The following HMGA2 variants were observed in gnomAD, a reference collection of about 807,000 sequenced individuals.
HMGA2 encodes the protein high mobility group protein HMGI-C.
In HMGA2, 8 loss-of-function variants were observed where a neutral mutation model predicts 19.1. The ratio of observed to expected loss-of-function variants is 0.42; its 90% CI spans 0.25 to 0.76. The LOEUF (loss-of-function observed/expected upper bound fraction) is 0.76, where lower values mean the gene tolerates loss of function less well. HMGA2 is among the 30% of genes least tolerant of loss of function. The pLI is 0.28. For synonymous variants in HMGA2, 60 were observed against 48.8 expected (o/e 1.23, Z -0.96); for missense variants, 109 against 136.3 (o/e 0.80, Z 1.00).
intron 3 of HMGA2, among the ~76,000 whole-genome samples, chr12:65,877,814 CA>C (rs11372211): frequency 8.2e-5 from 12 of 146,754 alleles, no homozygotes; most frequent in South Asian, 6.5e-4. Context: ...GTCTTTGCTT[CA>C]AAAAAAAAAT....
chr12:65,902,737 A>G (rs1592433662), intron 3 of HMGA2, among the ~76,000 whole-genome samples: 2 of 152,298 alleles, frequency 1.3e-5, no homozygotes, highest in East Asian at 3.9e-4. Context: ...GTAGAGAACT[A>G]TATTCTGATG....
chr12:65,955,146 C>T (rs1330363055), intron 4 of HMGA2: 1 of 152,126 alleles, frequency 6.6e-6, no homozygotes, highest in Non-Finnish European at 1.5e-5. Context: ...GATTGTGCCA[C>T]TGCACCCCAG....
chr12:65,845,273 G>A (rs1291469646), intron 3 of HMGA2, among the ~76,000 whole-genome samples: 4 of 151,788 alleles, frequency 2.6e-5, no homozygotes, highest in Admixed American at 6.6e-5. Context: ...GTTTTGTTTC[G>A]TTTTGTTTTG....
At chr12:65,827,568 T>C (rs1870270013) in intron 1 of HMGA2, among the ~76,000 whole-genome samples, 1 of 152,210 alleles carries the variant, frequency 6.6e-6, no homozygotes, top group East Asian at 1.9e-4. Context: ...TATGGAAGAT[T>C]GTTGAAATAT....
At position 65,827,939 on chromosome 12, in the gene HMGA2, T is replaced by A. The variant is rs1870289237; in HGVS notation, c.112-62T>A. ...ACATGCAGAAAATATAGCTAAAGAGTCAGGGTCAATTTCTTTCAGACATTC... is the reference window on the plus strand; with the variant it reads ...ACATGCAGAAAATATAGCTAAAGAGACAGGGTCAATTTCTTTCAGACATTC... On this transcript the variant is annotated intron_variant, in intron 1 of 4. Transcript: ENST00000403681. The A allele has an allele frequency of 1.8e-5, 21 of 1,157,492 alleles. 1 individual carries two copies. In the South Asian group the frequency reaches 2.6e-4, roughly 14 times the overall value. The allele number at this position is 1,157,492 out of a possible 1,614,324, so 71.7% of individuals were successfully genotyped here.
intron 4 of HMGA2, chr12:65,958,867 A>G (rs1876673522): frequency 6.6e-6 from 1 of 151,808 alleles, no homozygotes; most frequent in South Asian, 2.1e-4. Context: ...AAAAAAAAAA[A>G]GATAAGGACT....
chr12:65,923,462 T>C (rs1273537290), intron 3 of HMGA2, among the ~76,000 whole-genome samples: 1 of 152,226 alleles, frequency 6.6e-6, no homozygotes, highest in East Asian at 1.9e-4. Context: ...CTATTGTCAG[T>C]TCCTGGGCTT....
At chr12:65,849,724 G>T (rs1214012516) in intron 3 of HMGA2, among the ~76,000 whole-genome samples, 1 of 138,836 alleles carries the variant, frequency 7.2e-6, no homozygotes, top group Non-Finnish European at 1.5e-5. Context: ...CCAAGACAAT[G>T]GTAGGCTCTG....
chr12:65,919,192 A>C (rs1875214937), intron 3 of HMGA2, among the ~76,000 whole-genome samples: 1 of 152,238 alleles, frequency 6.6e-6, no homozygotes, highest in Non-Finnish European at 1.5e-5. Context: ...GACAGAAAGC[A>C]CTATAAAAAA....
At chr12:65,914,661 G>T in intron 3 of HMGA2, 1 of 280,584 alleles carries the variant, frequency 3.6e-6, no homozygotes. Context: ...AAATGTTTTG[G>T]TTGTTTGTTG....
intron 3 of HMGA2, among the ~76,000 whole-genome samples, chr12:65,846,691 C>G (rs1006753025): frequency 1.3e-5 from 2 of 152,166 alleles, no homozygotes; most frequent in African/African-American, 4.8e-5. Flanking sequence ...CATTTAAACC[C>G]TAGAGTTCCA....
chr12:65,865,708 C>G (rs547729158), intron 3 of HMGA2, among the ~76,000 whole-genome samples: 1 of 149,278 alleles, frequency 6.7e-6, no homozygotes, highest in Admixed American at 6.7e-5. Context: ...AATCTCGGCT[C>G]ACTGCAAACT....
At chr12:65,927,953 A>G (rs1366054432) in intron 3 of HMGA2, among the ~76,000 whole-genome samples, 1 of 42,356 alleles carries the variant, frequency 2.4e-5, no homozygotes, top group Non-Finnish European at 4.3e-5. Context: ...ATGTGAGTAT[A>G]TATATATATA....
At chr12:65,838,775 G>A (rs1188891240) in intron 3 of HMGA2, among the ~76,000 whole-genome samples, 1 of 151,968 alleles carries the variant, frequency 6.6e-6, no homozygotes, top group Non-Finnish European at 1.5e-5. Context: ...CTTTCCTGAA[G>A]GTGGACTCAT....
At chr12:65,883,918 A>T (rs10878342) in intron 3 of HMGA2, among the ~76,000 whole-genome samples, 41,045 of 152,132 alleles carry the variant, frequency 0.27, 8,413 homozygotes, top group African/African-American at 0.57. Flanking sequence ...AGGCTAGAGT[A>T]CGGTGGCCCA....
At chr12:65,835,827 C>A (rs1327687145) in intron 2 of HMGA2, among the ~76,000 whole-genome samples, 1 of 152,098 alleles carries the variant, frequency 6.6e-6, no homozygotes, top group African/African-American at 2.4e-5. Context: ...TCAATAGGCT[C>A]CTTCTCCCAC....
intron 3 of HMGA2, among the ~76,000 whole-genome samples, chr12:65,930,845 G>A (rs1470611300): frequency 6.6e-6 from 1 of 152,170 alleles, no homozygotes; most frequent in Non-Finnish European, 1.5e-5. Context: ...TACGATACCA[G>A]GAAAAGACAT....
intron 3 of HMGA2, among the ~76,000 whole-genome samples, chr12:65,892,026 G>A (rs893745748): frequency 1.3e-4 from 20 of 152,164 alleles, no homozygotes; most frequent in African/African-American, 2.7e-4. Context: ...ACAATAATGC[G>A]CTGCCTTGTC....
chr12:65,951,540 C>A lies in HMGA2; in HGVS notation c.282+125C>A, dbSNP rs564004483. 685 of 683,094 alleles carry A rather than the reference C, an allele frequency of 1.0e-3. 1 individual carries two copies. Among genetic ancestry groups the A allele is most frequent in the Middle Eastern group, 2.2e-3 (9 of 4,120 alleles). 42.3% of individuals were successfully genotyped at this position (683,094 alleles called of 1,614,324 possible). A position where few individuals can be genotyped will look rare whatever the true frequency, so the allele number is the denominator to read the frequency against. On this transcript the variant is annotated intron_variant, in intron 4 of 4. Coordinates refer to ENST00000403681, the MANE Select transcript of HMGA2 (RefSeq NM_003483.6). Reference sequence around the variant, plus strand: ...CTTTTGGTTATCGTCCTGCAGTATTCCTGAAAATGTGTTGTAGCCTTCAAA... The same window carrying A: ...CTTTTGGTTATCGTCCTGCAGTATTACTGAAAATGTGTTGTAGCCTTCAAA...
Sources: allele counts gnomAD v4.1 joint callset (sites outside exome capture counted in the v4.1 genomes callset), GRCh38; gene constraint gnomAD v4.1.1; transcripts MANE v1.5; gene names NCBI Gene and HGNC (gene_info 2026-07-23, HGNC 2026-07-21).